Variants in PHACTR4 observed in about 807,000 individuals in gnomAD.
PHACTR4 encodes the protein protein phosphatase 1, regulatory subunit 124.
A neutral mutation model predicts 72.7 loss-of-function variants in PHACTR4; 51 were observed. The observed-to-expected ratio is 0.70, with a 90% CI of 0.56 to 0.89. The LOEUF (loss-of-function observed/expected upper bound fraction) is 0.89. Ranked by LOEUF, PHACTR4 falls within the 40% of genes least tolerant of loss-of-function variation. PHACTR4 has a pLI of 0.00. For synonymous variants in PHACTR4, 255 were observed against 302.5 expected, an observed-to-expected ratio of 0.84 and a Z score of 1.63; for missense variants, 731 against 861.8, an observed-to-expected ratio of 0.85 and a Z score of 1.90.
chr1:28,489,153 A>G lies in PHACTR4; in HGVS notation c.1761-17A>G. 6.2e-7 allele frequency: 1 copy of G among 1,607,608 alleles called. No individual in the cohort carries two copies. The highest frequency in any genetic ancestry group is 8.5e-7 in the Non-Finnish European group (1 of 1,175,624). ...GAGGTTTAACATAAACATTACCTTT[A>G]TTTATCTCATTTTTAGGCGACTGAG... On this transcript the variant is annotated splice_polypyrimidine_tract_variant and intron_variant, in intron 9 of 13. Coordinates refer to ENST00000373839, the MANE Select transcript of PHACTR4 (RefSeq NM_001048183.3).
intron 2 of PHACTR4, among the ~76,000 whole-genome samples, chr1:28,415,315 C>T (rs1655041478): frequency 6.6e-6 from 1 of 151,354 alleles, no homozygotes; most frequent in African/African-American, 2.4e-5. Flanking sequence ...CTACACTGTA[C>T]ATAAGTGCTG....
At chr1:28,418,476 A>C (rs1242198372) in intron 2 of PHACTR4, among the ~76,000 whole-genome samples, 1 of 152,072 alleles carries the variant, frequency 6.6e-6, no homozygotes, top group Admixed American at 6.6e-5. Context: ...GCAAGACTCC[A>C]TCTCAAAAAC....
chr1:28,458,743 C>T (rs185795829), intron 2 of PHACTR4, among the ~76,000 whole-genome samples: 19 of 152,264 alleles, frequency 1.2e-4, no homozygotes, highest in African/African-American at 3.9e-4. Context: ...GGCAGGAATT[C>T]CCTGCCTCAG....
intron 9 of PHACTR4, among the ~76,000 whole-genome samples, chr1:28,484,779 A>C (rs1660526149): frequency 6.6e-6 from 1 of 151,942 alleles, no homozygotes; most frequent in South Asian, 2.1e-4. Context: ...CATCCTGGCT[A>C]ACACGGTGAA....
chr1:28,416,968 T>C (rs1215674195), intron 2 of PHACTR4, among the ~76,000 whole-genome samples: 2 of 152,220 alleles, frequency 1.3e-5, no homozygotes, highest in Non-Finnish European at 2.9e-5. Context: ...GGAAATATTC[T>C]CCTTTGTCCA....
At chr1:28,381,651 A>G (rs568696559) in intron 1 of PHACTR4, among the ~76,000 whole-genome samples, 1 of 152,200 alleles carries the variant, frequency 6.6e-6, no homozygotes, top group South Asian at 2.1e-4. Flanking sequence ...ATAAGATGGT[A>G]TCTCATTGTC....
intron 2 of PHACTR4, among the ~76,000 whole-genome samples, chr1:28,426,896 A>G (rs979946874): frequency 5.3e-5 from 8 of 152,140 alleles, no homozygotes; most frequent in Non-Finnish European, 1.2e-4. Flanking sequence ...TAAGTTCAGC[A>G]TGTCCAGTAG....
In PHACTR4 at chr1:28,465,822, C is replaced by G; in HGVS notation, c.409C>G (p.Pro137Ala). 1 of 1,612,204 alleles carries G rather than the reference C, an allele frequency of 6.2e-7. No individual in the cohort carries two copies. Among genetic ancestry groups the G allele is most frequent in the Non-Finnish European group, 8.5e-7 (1 of 1,179,378 alleles). The change falls in exon 5 of 14, where the codon CCA (proline) becomes GCA (alanine). Residue 137 changes from proline (P) to alanine (A), a missense_variant. Physicochemically the swap from Pro to Ala is conservative, Grantham distance 27. Around this residue, in one of 2 missense-constraint regions of PHACTR4, gnomAD observed 621 missense variants for 676.6 expected, o/e 0.92. Coordinates refer to ENST00000373839, the MANE Select transcript of PHACTR4 (RefSeq NM_001048183.3). ...VRLASLRKAIPEEDLKKRLGS... is the reference protein window; with the variant it reads ...VRLASLRKAIAEEDLKKRLGS... ...ATTAGCAAGTCTTAGGAAAGCTATT[C>G]CAGAAGAGGACCTAAAGAAACGACT...
intron 2 of PHACTR4, among the ~76,000 whole-genome samples, chr1:28,439,083 T>G (rs925019231): frequency 6.6e-6 from 1 of 152,190 alleles, no homozygotes; most frequent in African/African-American, 2.4e-5. Context: ...TGCAAGCTCA[T>G]TTTCCTAATC....
intron 13 of PHACTR4, among the ~76,000 whole-genome samples, chr1:28,495,257 A>G (rs945904585): frequency 6.6e-6 from 1 of 152,134 alleles, no homozygotes. Flanking sequence ...TCTGTCCTCA[A>G]TGAGGCTTTA....
At chr1:28,434,676 G>A (rs1182538245) in intron 2 of PHACTR4, among the ~76,000 whole-genome samples, 1 of 152,156 alleles carries the variant, frequency 6.6e-6, no homozygotes, top group African/African-American at 2.4e-5. Context: ...TCAGCAGTGA[G>A]CCATGCCAAG....
chr1:28,404,346 G>C (rs1016509043), intron 1 of PHACTR4, among the ~76,000 whole-genome samples: 1 of 142,632 alleles, frequency 7.0e-6, no homozygotes, highest in South Asian at 2.2e-4. Flanking sequence ...GCAGTGGCGC[G>C]ATCTCAGCTC....
intron 1 of PHACTR4, among the ~76,000 whole-genome samples, chr1:28,398,435 A>C (rs995919764): frequency 2.6e-5 from 4 of 151,706 alleles, no homozygotes; most frequent in African/African-American, 7.3e-5. Flanking sequence ...CAGGAGAATC[A>C]CTTGAACCCC....
At chr1:28,393,026 G>A (rs977690511) in intron 1 of PHACTR4, among the ~76,000 whole-genome samples, 2 of 152,106 alleles carry the variant, frequency 1.3e-5, no homozygotes, top group African/African-American at 4.8e-5. Context: ...AGTGCAATTG[G>A]ATTCAGTACT....
chr1:28,416,775 C>G (rs750704497), intron 2 of PHACTR4, among the ~76,000 whole-genome samples: 1 of 152,168 alleles, frequency 6.6e-6, no homozygotes, highest in Non-Finnish European at 1.5e-5. Context: ...TTTCTTCCAG[C>G]CTGTGGCTTG....
At chr1:28,469,191 G>T (rs1659406701) in intron 6 of PHACTR4, among the ~76,000 whole-genome samples, 1 of 151,882 alleles carries the variant, frequency 6.6e-6, no homozygotes, top group South Asian at 2.1e-4. Flanking sequence ...ATCATAAATG[G>T]TTTACTTAAT....
At chr1:28,481,838 C>T (rs188978616) in intron 9 of PHACTR4, among the ~76,000 whole-genome samples, 1 of 151,430 alleles carries the variant, frequency 6.6e-6, no homozygotes, top group African/African-American at 2.4e-5. Context: ...ATATTGGACA[C>T]AGTTGGGTAT....
intron 1 of PHACTR4, among the ~76,000 whole-genome samples, chr1:28,387,500 C>T (rs1051096527): frequency 6.6e-6 from 1 of 152,096 alleles, no homozygotes; most frequent in African/African-American, 2.4e-5. Flanking sequence ...TGCACATACC[C>T]AATTTTGCCT....
chr1:28,393,313 A>G (rs1425986872), intron 1 of PHACTR4, among the ~76,000 whole-genome samples: 1 of 152,206 alleles, frequency 6.6e-6, no homozygotes, highest in African/African-American at 2.4e-5. Flanking sequence ...AGAAGGGTTC[A>G]TCCTTCCACT....
Sources: allele counts gnomAD v4.1 joint callset (sites outside exome capture counted in the v4.1 genomes callset), GRCh38; gene constraint gnomAD v4.1.1; regional missense constraint gnomAD v4.1.1; transcripts MANE v1.5; gene names NCBI Gene and HGNC (gene_info 2026-07-23, HGNC 2026-07-21).